PPFIA2: variants seen among roughly 807,000 people sequenced by gnomAD.
PPFIA2 encodes PPFI scaffold protein A2.
A neutral mutation model predicts 175.5 loss-of-function variants in PPFIA2; 46 were observed. That is an observed-to-expected ratio of 0.26 (90% CI 0.21 to 0.34). The LOEUF is 0.34. Ranked by LOEUF, PPFIA2 falls within the 10% of genes least tolerant of loss-of-function variation. The pLI, the probability that PPFIA2 is intolerant of heterozygous loss-of-function variation, is 1.00. For missense variants in PPFIA2, 1,179 were observed against 1,506.1 expected (o/e 0.78, Z 3.60); for synonymous variants, 568 against 511.4 (o/e 1.11, Z -1.49).
intron 28 of PPFIA2, among the ~76,000 whole-genome samples, chr12:81,271,485 G>A (rs1228448358): frequency 6.6e-6 from 1 of 152,126 alleles, no homozygotes; most frequent in African/African-American, 2.4e-5. Context: ...AGTCAGGCTG[G>A]TCTCATCTCC....
chr12:81,436,145 G>A (rs2048946680), intron 7 of PPFIA2, among the ~76,000 whole-genome samples: 1 of 151,032 alleles, frequency 6.6e-6, no homozygotes, highest in African/African-American at 2.4e-5. Flanking sequence ...GCTGGGCATG[G>A]TGGCATGCAA....
At chr12:81,707,312 A>C (rs1307332543) in intron 3 of PPFIA2, among the ~76,000 whole-genome samples, 1 of 152,064 alleles carries the variant, frequency 6.6e-6, no homozygotes, top group Admixed American at 6.5e-5. Context: ...AATGAACTCA[A>C]ACAAATTTAC....
At chr12:81,324,162 T>C (rs1057017748) in intron 22 of PPFIA2, among the ~76,000 whole-genome samples, 1 of 152,052 alleles carries the variant, frequency 6.6e-6, no homozygotes, top group African/African-American at 2.4e-5. Flanking sequence ...TTAGTATTTT[T>C]TTCTGACTGT....
At chr12:81,711,649 A>G (rs2077940174) in intron 3 of PPFIA2, among the ~76,000 whole-genome samples, 1 of 151,312 alleles carries the variant, frequency 6.6e-6, no homozygotes, top group African/African-American at 2.4e-5. Context: ...GTGAATGAAT[A>G]CAAATAAGAA....
At position 81,335,997 on chromosome 12, in the gene PPFIA2, T is replaced by C. The variant is rs922943572; in HGVS notation, c.2548+3183A>G. On this transcript the variant is annotated intron_variant, in intron 21 of 32. Transcript: ENST00000549396. ...GAAGAACAAACCCTCACTGATTCAT[T>C]TGAGTCTACATCACTCCTATTTATT... is the stretch of plus-strand genomic sequence containing the variant. 2.0e-5 allele frequency among the ~76,000 whole-genome samples: 3 copies of C among 152,298 alleles called. No individual in the cohort carries two copies. The South Asian group carries it at 6.2e-4, about 32-fold the overall frequency.
At chr12:81,533,731 C>A (rs1000956585) in intron 4 of PPFIA2, among the ~76,000 whole-genome samples, 2 of 76,926 alleles carry the variant, frequency 2.6e-5, no homozygotes, top group South Asian at 4.2e-4. Flanking sequence ...ATCTATCTAT[C>A]TATCTATATA....
At position 81,732,465 on chromosome 12, in the gene PPFIA2, T is replaced by C. The variant is rs2081033338; in HGVS notation, c.249+21508A>G. Among the ~76,000 whole-genome samples the C allele has an allele frequency of 2.7e-5, 4 of 149,888 alleles. No individual in the cohort carries two copies. In the South Asian group the frequency reaches 8.4e-4, roughly 31 times the overall value. ...ATGTTGGACCAGAAGATGGAATGATTACTTTCCTGATTATACCAAATAAAG... is the reference window on the plus strand; with the variant it reads ...ATGTTGGACCAGAAGATGGAATGATCACTTTCCTGATTATACCAAATAAAG... On this transcript the variant is annotated intron_variant, in intron 3 of 32. Transcript: ENST00000549396.
At chr12:81,754,323 A>C (rs2084305802) in intron 2 of PPFIA2, 100 bp from the exon 3 acceptor site, 1 of 1,387,476 alleles carries the variant, frequency 7.2e-7, no homozygotes, top group East Asian at 2.5e-5. Flanking sequence ...TTATTAGCCT[A>C]TTTGTCTCTA....
chr12:81,480,730 C>T (rs893340233), intron 4 of PPFIA2, among the ~76,000 whole-genome samples: 5 of 152,118 alleles, frequency 3.3e-5, no homozygotes, highest in African/African-American at 1.2e-4. Flanking sequence ...GCCTGGGTAT[C>T]ACCAGAGGAG....
chr12:81,354,662 G>A (rs1336498353), intron 16 of PPFIA2, among the ~76,000 whole-genome samples: 1 of 143,928 alleles, frequency 6.9e-6, no homozygotes, highest in African/African-American at 2.7e-5. Context: ...TTTTTTTTTT[G>A]AGAGGGAGTC....
chr12:81,294,255 T>G (rs2045848073), intron 24 of PPFIA2, among the ~76,000 whole-genome samples: 1 of 152,100 alleles, frequency 6.6e-6, no homozygotes, highest in Admixed American at 6.5e-5. Context: ...AATATACCCA[T>G]GTAACGAACT....
chr12:81,348,367 T>C (rs1204414500), intron 17 of PPFIA2, among the ~76,000 whole-genome samples: 1 of 152,116 alleles, frequency 6.6e-6, no homozygotes, highest in African/African-American at 2.4e-5. Context: ...TTTAAATAAG[T>C]ACCAGAAAAG....
chr12:81,264,033 G>A (rs1451102337), intron 30 of PPFIA2, among the ~76,000 whole-genome samples: 9 of 152,074 alleles, frequency 5.9e-5, no homozygotes, highest in Non-Finnish European at 7.4e-5. Context: ...GGGTACCACC[G>A]AAAGCATAAT....
intron 22 of PPFIA2, among the ~76,000 whole-genome samples, chr12:81,323,931 G>C (rs2054211294): frequency 6.6e-6 from 1 of 152,010 alleles, no homozygotes; most frequent in Admixed American, 6.6e-5. Context: ...AATTAACTCT[G>C]ACTTGCCTTG....
intron 3 of PPFIA2, among the ~76,000 whole-genome samples, chr12:81,708,183 CA>C (rs532941576): frequency 6.9e-5 from 10 of 145,636 alleles, no homozygotes; most frequent in Admixed American, 2.0e-4. Flanking sequence ...AATAAAAAAA[CA>C]AAAAAAATGG....
At chr12:81,609,135 C>T (rs2060633247) in intron 4 of PPFIA2, among the ~76,000 whole-genome samples, 1 of 151,552 alleles carries the variant, frequency 6.6e-6, no homozygotes, top group African/African-American at 2.4e-5. Flanking sequence ...CACTGTGATC[C>T]AAGAATGTAG....
At chr12:81,707,394 T>C (rs904064359) in intron 3 of PPFIA2, among the ~76,000 whole-genome samples, 3 of 152,262 alleles carry the variant, frequency 2.0e-5, no homozygotes, top group African/African-American at 7.2e-5. Flanking sequence ...AAGAAGACAT[T>C]TATGCAGCCA....
intron 4 of PPFIA2, among the ~76,000 whole-genome samples, chr12:81,571,730 A>T (rs1447223138): frequency 6.6e-6 from 1 of 152,170 alleles, no homozygotes; most frequent in Non-Finnish European, 1.5e-5. Context: ...TATCCATTTA[A>T]TAATCTACTC....
At chr12:81,647,959 G>A (rs2066427956) in intron 4 of PPFIA2, among the ~76,000 whole-genome samples, 1 of 146,512 alleles carries the variant, frequency 6.8e-6, no homozygotes, top group South Asian at 2.1e-4. Context: ...CTTGTCAGAA[G>A]CATTGAAAGC....
Sources: allele counts gnomAD v4.1 joint callset (sites outside exome capture counted in the v4.1 genomes callset), GRCh38; gene constraint gnomAD v4.1.1; transcripts MANE v1.5; gene names NCBI Gene and HGNC (gene_info 2026-07-23, HGNC 2026-07-21).